GARRE1: variants seen among roughly 807,000 people sequenced by gnomAD.
The protein encoded by GARRE1 is granule associated Rac and RHOG effector protein 1.
A neutral mutation model predicts 103.2 loss-of-function variants in GARRE1; 49 were observed. The ratio of observed to expected loss-of-function variants is 0.47; its 90% CI spans 0.38 to 0.60. GARRE1 has a LOEUF of 0.60. GARRE1 is among the 20% of genes least tolerant of loss of function. The pLI is 0.00. For missense variants in GARRE1, 1,199 were observed against 1,370.5 expected, an observed-to-expected ratio of 0.87 and a Z score of 1.98; for synonymous variants, 505 against 532.8, an observed-to-expected ratio of 0.95 and a Z score of 0.72.
chr19:34,319,946 T>G lies in GARRE1; in HGVS notation c.535T>G (p.Phe179Val). The G allele has an allele frequency of 6.2e-7, 1 of 1,614,246 alleles. No homozygotes were observed. The highest frequency in any genetic ancestry group is 8.5e-7 in the Non-Finnish European group (1 of 1,180,044). ...TTTCCTGACTGTGGTGCAAGTCCAT[T>G]TCCAGTTTTTGACTCATGCGTTACA... Reference protein sequence around the residue: ...RCFLTVVQVHFQFLTHALQKV... With the variant: ...RCFLTVVQVHVQFLTHALQKV... The change falls in exon 3 of 14, where the codon TTC (phenylalanine) becomes GTC (valine). Residue 179 changes from phenylalanine (F) to valine (V), a missense_variant. Coordinates refer to ENST00000299505, the MANE Select transcript of GARRE1 (RefSeq NM_014686.5).
chr19:34,354,341 C>T lies in GARRE1; in HGVS notation c.*1386C>T, dbSNP rs897967387. The T allele has an allele frequency of 1.3e-5, 2 of 152,102 alleles. No individual in the cohort carries two copies. Among genetic ancestry groups the T allele is most frequent in the African/African-American group, 4.8e-5 (2 of 41,420 alleles). The allele number at this position is 152,102 out of a possible 1,614,324, so 9.4% of individuals were successfully genotyped here. ...GATTGTAATAACACATTTATGTTCTCGTTTTTCTACAGATATAAGTAAATT... is the reference window on the plus strand; with the variant it reads ...GATTGTAATAACACATTTATGTTCTTGTTTTTCTACAGATATAAGTAAATT... On this transcript the variant is annotated 3_prime_UTR_variant, in exon 14 of 14. Transcript: ENST00000299505.
intron 1 of GARRE1, among the ~76,000 whole-genome samples, chr19:34,288,482 C>T (rs1029766014): frequency 1.3e-5 from 2 of 152,188 alleles, no homozygotes; most frequent in African/African-American, 2.4e-5. Flanking sequence ...GAATTGCTTT[C>T]GTCTGGGCAG....
intron 2 of GARRE1, among the ~76,000 whole-genome samples, chr19:34,315,890 G>A (rs2074058127): frequency 6.6e-6 from 1 of 152,136 alleles, no homozygotes; most frequent in African/African-American, 2.4e-5. Context: ...CAAGGGAATA[G>A]GAAGGTAAAG....
chr19:34,333,201 C>T (rs2074145290), intron 7 of GARRE1, among the ~76,000 whole-genome samples: 1 of 152,076 alleles, frequency 6.6e-6, no homozygotes, highest in African/African-American at 2.4e-5. Flanking sequence ...ATCACCACAC[C>T]CAGCTACTTT....
At position 34,342,212 on chromosome 19, in the gene GARRE1, T is replaced by A. The variant is rs946675045; in HGVS notation, c.2278T>A (p.Ser760Thr). The change falls in exon 10 of 14, where the codon TCA (serine) becomes ACA (threonine). Residue 760 changes from serine to threonine, a missense_variant. Ser to Thr is a moderately conservative substitution (Grantham distance 58). Coordinates refer to ENST00000299505, the MANE Select transcript of GARRE1 (RefSeq NM_014686.5). ...PRAPGKWVHG[S>T]SQQPAQAVGA... The stretch of plus-strand genomic sequence containing the variant: ...GGCACCTGGGAAATGGGTACATGGC[T>A]CATCCCAGCAGCCAGCGCAGGCTGT... 2.5e-5 allele frequency: 40 copies of A among 1,614,038 alleles called. No homozygotes were observed. The highest frequency in any genetic ancestry group is 2.8e-5 in the Non-Finnish European group (33 of 1,180,026).
chr19:34,300,232 C>A lies in GARRE1; in HGVS notation c.-242C>A. On this transcript the variant is annotated 5_prime_UTR_variant, in exon 2 of 14. Transcript: ENST00000299505. ...GAGTGGAATGCTAAACAGTTCTTAT[C>A]CAGCATTTTGGACATCTTTTATTTT... is the stretch of plus-strand genomic sequence containing the variant. 2.4e-6 allele frequency: 1 copy of A among 424,460 alleles called. No individual in the cohort carries two copies. Among genetic ancestry groups the A allele is most frequent in the Non-Finnish European group, 4.2e-6 (1 of 240,816 alleles). The allele number at this position is 424,460 out of a possible 1,614,324, so 26.3% of individuals were successfully genotyped here. A position where few individuals can be genotyped will look rare whatever the true frequency, so the allele number is the denominator to read the frequency against.
At chr19:34,272,647 C>G (rs1034833544) in intron 1 of GARRE1, among the ~76,000 whole-genome samples, 1 of 152,166 alleles carries the variant, frequency 6.6e-6, no homozygotes, top group African/African-American at 2.4e-5. Flanking sequence ...TTTCATTGCT[C>G]CAGCTCAGCT....
intron 1 of GARRE1, among the ~76,000 whole-genome samples, chr19:34,274,753 T>C (rs745732946): frequency 6.6e-6 from 1 of 152,168 alleles, no homozygotes; most frequent in African/African-American, 2.4e-5. Flanking sequence ...CAACTAAGAA[T>C]GGCCAGAGAG....
In GARRE1 at chr19:34,300,737, C is replaced by T. The variant is rs1345806628; in HGVS notation, c.264C>T (p.Asn88=). The part of the protein sequence containing the change: ...QGISKYLDAL[N]VFCRASTFLT... ...TCTCCAAGTATCTGGATGCCCTGAA[C>T]GTCTTCTGCCGTGCCAGTACTTTCC... Residue 88 remains asparagine, a synonymous_variant, in exon 2 of 14, where the codon AAC becomes AAT. Coordinates refer to ENST00000299505, the MANE Select transcript of GARRE1 (RefSeq NM_014686.5). 1.2e-5 allele frequency: 20 copies of T among 1,614,200 alleles called. No homozygotes were observed. Among genetic ancestry groups the T allele is most frequent in the East Asian group, 2.2e-5 (1 of 44,888 alleles).
intron 1 of GARRE1, among the ~76,000 whole-genome samples, chr19:34,275,240 A>G (rs1260962670): frequency 1.3e-5 from 2 of 148,958 alleles, no homozygotes; most frequent in African/African-American, 4.9e-5. Flanking sequence ...TAACAGCTTT[A>G]TTGAAATATA....
intron 1 of GARRE1, among the ~76,000 whole-genome samples, chr19:34,285,940 C>T (rs1469052607): frequency 5.9e-5 from 9 of 152,126 alleles, no homozygotes; most frequent in Admixed American, 5.9e-4. Context: ...GGTAGGAACC[C>T]CAGGCGTGAC....
At chr19:34,309,214 C>T (rs2074025839) in intron 2 of GARRE1, among the ~76,000 whole-genome samples, 1 of 151,986 alleles carries the variant, frequency 6.6e-6, no homozygotes, top group African/African-American at 2.4e-5. Flanking sequence ...TGTGGCATAT[C>T]CTGTAATAAG....
chr19:34,278,693 T>TA (rs1201020823), intron 1 of GARRE1, among the ~76,000 whole-genome samples: 1 of 151,936 alleles, frequency 6.6e-6, no homozygotes, highest in African/African-American at 2.4e-5. Context: ...TTTTTTTTTT[T>TA]ATTGACAGGG....
intron 8 of GARRE1, among the ~76,000 whole-genome samples, chr19:34,337,520 C>T (rs772464736): frequency 3.6e-4 from 55 of 152,266 alleles, no homozygotes; most frequent in Non-Finnish European, 5.9e-4. Flanking sequence ...GAAAGAATGC[C>T]AGTGCAGAGG....
At chr19:34,313,656 C>T (rs1040576026) in intron 2 of GARRE1, among the ~76,000 whole-genome samples, 1 of 152,130 alleles carries the variant, frequency 6.6e-6, no homozygotes, top group African/African-American at 2.4e-5. Flanking sequence ...ATGGAAGTGA[C>T]AAATTTTAAC....
At position 34,300,337 on chromosome 19, in the gene GARRE1, C is replaced by G. The variant is rs2073970354; in HGVS notation, c.-137C>G. 1 of 907,464 alleles carries G rather than the reference C, an allele frequency of 1.1e-6. No homozygotes were observed. Among genetic ancestry groups the G allele is most frequent in the African/African-American group, 1.7e-5 (1 of 60,312 alleles). 56.2% of individuals were successfully genotyped at this position (907,464 alleles called of 1,614,324 possible). On this transcript the variant is annotated 5_prime_UTR_variant, in exon 2 of 14. Coordinates refer to ENST00000299505, the MANE Select transcript of GARRE1 (RefSeq NM_014686.5). ...TCACCTCTACATTGGATCACATGGT[C>G]ACCTGCCTCATGGAAATGCCTTTTT...
chr19:34,300,970 T>G lies in GARRE1; in HGVS notation c.495+2T>G, dbSNP rs1186215563. Reference sequence around the variant, plus strand: ...GAATTCAGTCTCCAGGACATTGAGGTAGAGTATCTTTTGTGTCATACTTGT... The same window carrying G: ...GAATTCAGTCTCCAGGACATTGAGGGAGAGTATCTTTTGTGTCATACTTGT... On this transcript the variant is annotated splice_donor_variant, in intron 2 of 13. Coordinates refer to ENST00000299505, the MANE Select transcript of GARRE1 (RefSeq NM_014686.5). LOFTEE classifies it high-confidence loss of function. 2 of 1,593,344 alleles carry G rather than the reference T, an allele frequency of 1.3e-6. No individual in the cohort carries two copies. The highest frequency in any genetic ancestry group is 1.3e-5 in the African/African-American group (1 of 74,736).
intron 1 of GARRE1, among the ~76,000 whole-genome samples, chr19:34,262,425 A>G (rs1462761881): frequency 6.7e-6 from 1 of 149,490 alleles, no homozygotes; most frequent in Non-Finnish European, 1.5e-5. Context: ...CCTCCCAAGT[A>G]GCTGGGATTA....
Position 34,282,893 on chromosome 19 carries a change from C to T in GARRE1, c.-795-16786C>T, listed in dbSNP as rs774377628. On this transcript the variant is annotated intron_variant, in intron 1 of 13. Transcript: ENST00000299505. Reference sequence around the variant, plus strand: ...AAAAAGTGGCCAGCTTTGCTCTGGTCTGTCTTGTAATATAGTTTCCTCTGC... The same window carrying T: ...AAAAAGTGGCCAGCTTTGCTCTGGTTTGTCTTGTAATATAGTTTCCTCTGC... 1.6e-4 allele frequency among the ~76,000 whole-genome samples: 24 copies of T among 152,218 alleles called. 1 individual carries two copies. Among genetic ancestry groups the T allele is most frequent in the Non-Finnish European group, 2.8e-4 (19 of 68,046 alleles).
Sources: gnomAD v4.1 joint callset for allele counts (sites outside exome capture counted in the v4.1 genomes callset) on GRCh38, gnomAD v4.1.1 for gene constraint, MANE v1.5 for transcripts, NCBI Gene and HGNC (gene_info 2026-07-23, HGNC 2026-07-21) for gene names.